PCDHGA4: variants seen among roughly 807,000 people sequenced by gnomAD.
PCDHGA4 encodes the protein protocadherin gamma subfamily A, 4.
In PCDHGA4, 38 loss-of-function variants were observed where a neutral mutation model predicts 54.6. The ratio of observed to expected loss-of-function variants is 0.70; its 90% CI spans 0.54 to 0.91. The LOEUF is 0.91. Among genes scored for constraint, PCDHGA4 ranks in the 40% least tolerant of loss-of-function variants. PCDHGA4 has a pLI of 0.00. For missense variants in PCDHGA4, 1,298 were observed against 1,220.9 expected, an observed-to-expected ratio of 1.06 and a Z score of -0.94; for synonymous variants, 511 against 512.9, an observed-to-expected ratio of 1.00 and a Z score of 0.05.
At chr5:141,414,452 T>G in intron 1 of PCDHGA4, 1 of 1,613,886 alleles carries the variant, frequency 6.2e-7, no homozygotes, top group Non-Finnish European at 8.5e-7. Context: ...AATATCACAG[T>G]GACAGCCACA....
Position 141,487,500 on chromosome 5 carries a change from C to G in PCDHGA4, c.2515-7307C>G. 6.2e-7 allele frequency: 1 copy of G among 1,614,178 alleles called. No individual in the cohort carries two copies. Among genetic ancestry groups the G allele is most frequent in the East Asian group, 2.2e-5 (1 of 44,862 alleles). Reference sequence around the variant, plus strand: ...CACTCTCATGGCTGTACACCCTTGGCTTCTGCACCCACTCGGAGTGATAGC... The same window carrying G: ...CACTCTCATGGCTGTACACCCTTGGGTTCTGCACCCACTCGGAGTGATAGC... On this transcript the variant is annotated intron_variant, in intron 1 of 3. Coordinates refer to ENST00000571252, the MANE Select transcript of PCDHGA4 (RefSeq NM_018917.4). The surrounding 1 kb of genome is among the most constrained non-coding windows in gnomAD (Gnocchi z 5.0).
chr5:141,395,547 TGTGTGTGTG>T (rs754815609), intron 1 of PCDHGA4: 25,854 of 174,180 alleles, frequency 0.15, 2,316 homozygotes, highest in South Asian at 0.18. Flanking sequence ...ATTGTTTGTG[TGTGTGTGTG>T]TGTGTGTGTG....
At chr5:141,388,913 A>T in intron 1 of PCDHGA4, 1 of 1,614,040 alleles carries the variant, frequency 6.2e-7, no homozygotes, top group Non-Finnish European at 8.5e-7. Context: ...ACAACGCCCC[A>T]GAAGTGATAT....
chr5:141,511,537 A>C lies in PCDHGA4; in HGVS notation c.*364A>C. 6.3e-6 allele frequency: 2 copies of C among 319,254 alleles called. No individual in the cohort carries two copies. The highest frequency in any genetic ancestry group is 6.7e-5 in the South Asian group (2 of 29,854). 19.8% of individuals were successfully genotyped at this position (319,254 alleles called of 1,614,324 possible). A position where few individuals can be genotyped will look rare whatever the true frequency, so the allele number is the denominator to read the frequency against. On this transcript the variant is annotated 3_prime_UTR_variant, in exon 4 of 4. Transcript: ENST00000571252. ...TCCATCCCATGCCTCCCTCCTCCCC[A>C]CCCCACTCCAACAGTTCCTCTTTCC... is the stretch of plus-strand genomic sequence containing the variant.
At chr5:141,423,557 G>A (rs1365715281) in intron 1 of PCDHGA4, 4 of 1,613,536 alleles carry the variant, frequency 2.5e-6, no homozygotes, top group East Asian at 2.2e-5. Context: ...CCCAACTATG[G>A]GGACACGCTC....
chr5:141,376,197 T>G, intron 1 of PCDHGA4: 1 of 1,614,174 alleles, frequency 6.2e-7, no homozygotes, highest in Non-Finnish European at 8.5e-7. Flanking sequence ...TGCGTCTTCC[T>G]GGCCTTCGTC....
At chr5:141,427,239 G>C (rs1160872088) in intron 1 of PCDHGA4, 1 of 456,746 alleles carries the variant, frequency 2.2e-6, no homozygotes, top group East Asian at 6.9e-5. Flanking sequence ...GAGAGTAGAA[G>C]CTAAGGATGG....
intron 1 of PCDHGA4, chr5:141,408,883 C>A: frequency 6.2e-7 from 1 of 1,613,462 alleles, no homozygotes; most frequent in Non-Finnish European, 8.5e-7. Flanking sequence ...CCACCGCTCA[C>A]ATAGAAATTT....
chr5:141,388,785 G>T, intron 1 of PCDHGA4: 1 of 1,613,868 alleles, frequency 6.2e-7, no homozygotes, highest in South Asian at 1.1e-5. Context: ...GGAAATTACT[G>T]TTTTAAATAC....
chr5:141,497,831 C>T (rs1336808833), intron 2 of PCDHGA4, among the ~76,000 whole-genome samples: 1 of 152,162 alleles, frequency 6.6e-6, no homozygotes, highest in Non-Finnish European at 1.5e-5. Flanking sequence ...TGATCGCCCC[C>T]GGCCACAACA....
chr5:141,375,966 C>T lies in PCDHGA4; in HGVS notation c.2514+18345C>T, dbSNP rs373365863. ...GGCCTGCACACGGGCGAGGTGCGCACGGCGCGCGCCCTGCTGGACAGAGAC... is the reference window on the plus strand; with the variant it reads ...GGCCTGCACACGGGCGAGGTGCGCATGGCGCGCGCCCTGCTGGACAGAGAC... On this transcript the variant is annotated intron_variant, in intron 1 of 3. Transcript: ENST00000571252. 30 of 1,613,374 alleles carry T rather than the reference C, an allele frequency of 1.9e-5. No individual in the cohort carries two copies. The Admixed American group carries it at 2.3e-4, about 13-fold the overall frequency.
chr5:141,503,506 G>A (rs2099820313), intron 2 of PCDHGA4, among the ~76,000 whole-genome samples: 1 of 151,616 alleles, frequency 6.6e-6, no homozygotes, highest in African/African-American at 2.4e-5. Context: ...GGCTGAGGCA[G>A]GAGAATCACT....
intron 1 of PCDHGA4, chr5:141,398,979 C>T (rs769465343): frequency 1.9e-6 from 3 of 1,613,778 alleles, no homozygotes; most frequent in African/African-American, 1.3e-5. Context: ...TCTACAGAAC[C>T]GGGCAAATCT....
intron 1 of PCDHGA4, chr5:141,402,998 C>G: frequency 6.2e-7 from 1 of 1,613,908 alleles, no homozygotes; most frequent in Non-Finnish European, 8.5e-7. Context: ...ATTAGTCCTG[C>G]TATGCTCGCT....
Position 141,485,627 on chromosome 5 carries a change from T to C in PCDHGA4, c.2515-9180T>C. 3 of 1,612,072 alleles carry C rather than the reference T, an allele frequency of 1.9e-6. No individual in the cohort carries two copies. Among genetic ancestry groups the C allele is most frequent in the Non-Finnish European group, 2.5e-6 (3 of 1,178,530 alleles). On this transcript the variant is annotated intron_variant, in intron 1 of 3. Transcript: ENST00000571252. This position sits in a 1 kb window ranked among gnomAD's most constrained non-coding sequence, Gnocchi z 5.7. ...GGAGGCAGCTCCTCCAGGACAGCGT[T>C]TCCCGTTGGAAAAGGCTCAGGATGC...
intron 1 of PCDHGA4, among the ~76,000 whole-genome samples, chr5:141,433,690 A>G (rs951380027): frequency 2.0e-5 from 3 of 152,088 alleles, no homozygotes; most frequent in African/African-American, 7.2e-5. Flanking sequence ...ATACAAAATT[A>G]GCCGGGCGTG....
intron 1 of PCDHGA4, among the ~76,000 whole-genome samples, chr5:141,456,843 A>G (rs2098891742): frequency 6.6e-6 from 1 of 152,030 alleles, no homozygotes. Context: ...GGCGCCTGTA[A>G]TCCCAGCTAA....
Position 141,487,781 on chromosome 5 carries a change from G to T in PCDHGA4, c.2515-7026G>T. ...AGACGCTGTGCTTTGTAACTGTTTC[G>T]TGAATTAACCAGAGTTGTCACAGTT... On this transcript the variant is annotated intron_variant, in intron 1 of 3. Transcript: ENST00000571252. This position sits in a 1 kb window ranked among gnomAD's most constrained non-coding sequence, Gnocchi z 5.0. 2 of 1,526,850 alleles carry T rather than the reference G, an allele frequency of 1.3e-6. No homozygotes were observed. The highest frequency in any genetic ancestry group is 8.8e-7 in the Non-Finnish European group (1 of 1,130,880). The allele number at this position is 1,526,850 out of a possible 1,614,324, so 94.6% of individuals were successfully genotyped here. A position where few individuals can be genotyped will look rare whatever the true frequency, so the allele number is the denominator to read the frequency against.
chr5:141,389,010 C>T (rs141101630), intron 1 of PCDHGA4: 2 of 1,613,862 alleles, frequency 1.2e-6, no homozygotes, highest in African/African-American at 2.7e-5. Flanking sequence ...GGATTCCAGA[C>T]ACAATGGAGA....
Sources: gnomAD v4.1 joint callset for allele counts (sites outside exome capture counted in the v4.1 genomes callset) on GRCh38, gnomAD v4.1.1 for gene constraint, Gnocchi (gnomAD v3.1) non-coding constraint, MANE v1.5 for transcripts, NCBI Gene and HGNC (gene_info 2026-07-23, HGNC 2026-07-21) for gene names.